Variants in FGF14 observed in about 807,000 individuals in gnomAD.
FGF14 encodes fibroblast growth factor homologous factor 4.
FGF14 carries 5 observed loss-of-function variants against 25.5 expected under a neutral mutation model. The ratio of observed to expected loss-of-function variants is 0.20; its 90% CI spans 0.10 to 0.41. The LOEUF (loss-of-function observed/expected upper bound fraction) is 0.41, where lower values mean the gene tolerates loss of function less well. FGF14 is among the 10% of genes least tolerant of loss of function. The probability of loss-of-function intolerance (pLI) is 1.00; values close to 1 mark genes in which losing one functional copy is unlikely to be tolerated. For synonymous variants in FGF14, 138 were observed against 118.3 expected (o/e 1.17, Z -1.08); for missense variants, 222 against 320.1 (o/e 0.69, Z 2.34).
intron 1 of FGF14, among the ~76,000 whole-genome samples, chr13:102,152,676 C>G (rs111411918): frequency 0.01 from 1,558 of 152,266 alleles, 11 homozygotes; most frequent in Non-Finnish European, 0.017. Flanking sequence ...CCATAAGTAA[C>G]TGAAACCACA....
chr13:102,155,689 A>AC (rs1281849511), intron 1 of FGF14, among the ~76,000 whole-genome samples: 8 of 151,982 alleles, frequency 5.3e-5, no homozygotes, highest in African/African-American at 1.9e-4. Context: ...AGATAGAGAC[A>AC]GAAAAACCCT....
intron 1 of FGF14, among the ~76,000 whole-genome samples, chr13:102,392,392 G>A (rs773687873): frequency 3.9e-5 from 6 of 151,994 alleles, no homozygotes; most frequent in Non-Finnish European, 7.4e-5. Context: ...GTACATAATC[G>A]TTTAAAAAAA....
At chr13:102,186,389 C>G (rs992092) in intron 1 of FGF14, among the ~76,000 whole-genome samples, 203 of 152,208 alleles carry the variant, frequency 1.3e-3, no homozygotes, top group Non-Finnish European at 2.3e-3. Flanking sequence ...CTTATTTTTA[C>G]AACAATATTA....
At chr13:101,742,238 C>A in intron 3 of FGF14, among the ~76,000 whole-genome samples, 1 of 152,142 alleles carries the variant, frequency 6.6e-6, no homozygotes, top group Non-Finnish European at 1.5e-5. Context: ...ACCTAGATGA[C>A]TGGTTGGTAG....
At chr13:102,048,116 C>T (rs991382756) in intron 1 of FGF14, among the ~76,000 whole-genome samples, 1 of 151,946 alleles carries the variant, frequency 6.6e-6, no homozygotes, top group Non-Finnish European at 1.5e-5. Flanking sequence ...AAACGACTTG[C>T]TCCAAGTTTC....
At chr13:101,919,894 G>A (rs1760484190), upstream of FGF14, among the ~76,000 whole-genome samples, 1 of 152,126 alleles carries the variant, frequency 6.6e-6, no homozygotes, top group Admixed American at 6.5e-5. Flanking sequence ...CGCCTGAACA[G>A]CGGACTCCGG....
chr13:102,370,292 CAAAG>C (rs2057839262), intron 1 of FGF14, among the ~76,000 whole-genome samples: 1 of 152,028 alleles, frequency 6.6e-6, no homozygotes, highest in Admixed American at 6.6e-5. Flanking sequence ...TGCCTGGCAT[CAAAG>C]AACAATTCTA....
chr13:102,190,192 C>T (rs1290029780), intron 1 of FGF14, among the ~76,000 whole-genome samples: 3 of 152,214 alleles, frequency 2.0e-5, no homozygotes, highest in Non-Finnish European at 2.9e-5. Flanking sequence ...TTCCCTCATA[C>T]CTCCCTGGCT....
intron 1 of FGF14, among the ~76,000 whole-genome samples, chr13:101,951,761 C>T (rs578175151): frequency 1.3e-5 from 2 of 152,128 alleles, no homozygotes; most frequent in Non-Finnish European, 2.9e-5. Context: ...AATTATGTGG[C>T]CATGTCCTCA....
chr13:102,329,706 C>T (rs1295131914), intron 1 of FGF14, among the ~76,000 whole-genome samples: 1 of 152,098 alleles, frequency 6.6e-6, no homozygotes, highest in Non-Finnish European at 1.5e-5. Flanking sequence ...AAGACTGAAT[C>T]TCCTGAATGA....
At chr13:101,929,106 C>T (rs1046500702) in intron 1 of FGF14, among the ~76,000 whole-genome samples, 1 of 152,146 alleles carries the variant, frequency 6.6e-6, no homozygotes, top group Non-Finnish European at 1.5e-5. Flanking sequence ...GTACTTGACC[C>T]GGCATTCAGG....
Position 101,714,344 on chromosome 13 carries a change from T to C in FGF14, c.*8487A>G. 1.3e-6 allele frequency: 1 copy of C among 781,960 alleles called. No individual in the cohort carries two copies. The highest frequency in any genetic ancestry group is 2.6e-4 in the Middle Eastern group (1 of 3,840). 48.4% of individuals were successfully genotyped at this position (781,960 alleles called of 1,614,324 possible). ...CTTTTACCTTTGGATGATGGGTTAT[T>C]AGAAGCCTGTTGTCAGTGTGTCAAC... On this transcript the variant is annotated 3_prime_UTR_variant, in exon 5 of 5. Coordinates refer to ENST00000376143, the MANE Select transcript of FGF14 (RefSeq NM_004115.4).
chr13:102,289,804 T>C (rs2054287914), intron 1 of FGF14, among the ~76,000 whole-genome samples: 2 of 152,174 alleles, frequency 1.3e-5, no homozygotes, highest in Admixed American at 6.5e-5. Context: ...AGAGGATGAA[T>C]CACTGCTAAA....
At chr13:102,259,799 T>C (rs557928348) in intron 1 of FGF14, among the ~76,000 whole-genome samples, 1 of 152,340 alleles carries the variant, frequency 6.6e-6, no homozygotes, top group East Asian at 1.9e-4. Flanking sequence ...ATAGCTAGTC[T>C]GTGATAGAGC....
intron 1 of FGF14, among the ~76,000 whole-genome samples, chr13:102,281,379 C>T (rs1352120675): frequency 6.6e-6 from 1 of 152,082 alleles, no homozygotes; most frequent in Non-Finnish European, 1.5e-5. Flanking sequence ...TATTCATCAG[C>T]CCAGCAAAGA....
chr13:102,319,113 A>G (rs1192080698), intron 1 of FGF14, among the ~76,000 whole-genome samples: 1 of 152,194 alleles, frequency 6.6e-6, no homozygotes, highest in African/African-American at 2.4e-5. Flanking sequence ...TTGAAGTTGG[A>G]GTGCTATAAA....
intron 3 of FGF14, among the ~76,000 whole-genome samples, chr13:101,813,135 T>C (rs945954474): frequency 5.9e-5 from 9 of 152,160 alleles, no homozygotes; most frequent in Admixed American, 5.9e-4. Context: ...GTGACATCCT[T>C]ATGGTAGCAC....
chr13:102,227,062 T>TGAAATG (rs1168303347), intron 1 of FGF14, among the ~76,000 whole-genome samples: 5 of 152,166 alleles, frequency 3.3e-5, no homozygotes, highest in African/African-American at 7.2e-5. Flanking sequence ...CAAACATGAC[T>TGAAATG]GCCTGTCTAG....
intron 2 of FGF14, among the ~76,000 whole-genome samples, chr13:101,874,310 G>A (rs1402017690): frequency 6.6e-6 from 1 of 152,036 alleles, no homozygotes; most frequent in Non-Finnish European, 1.5e-5. Context: ...TATATGTGAA[G>A]AATAAGACAT....
Sources: gnomAD v4.1 joint callset for allele counts (sites outside exome capture counted in the v4.1 genomes callset) on GRCh38, gnomAD v4.1.1 for gene constraint, MANE v1.5 for transcripts, NCBI Gene and HGNC (gene_info 2026-07-23, HGNC 2026-07-21) for gene names.